The following LAMA2 variants were observed in gnomAD, a reference collection of about 807,000 sequenced individuals.
LAMA2 encodes laminin subunit alpha 2, also known as laminin subunit alpha-2.
In LAMA2, 269 loss-of-function variants were observed where a neutral mutation model predicts 364.8. That is an observed-to-expected ratio of 0.74 (90% CI 0.67 to 0.82). The LOEUF is 0.82. Among genes scored for constraint, LAMA2 ranks in the 40% least tolerant of loss-of-function variants. The pLI is 0.00. For synonymous variants in LAMA2, 1,379 were observed against 1,370.6 expected (o/e 1.01, Z -0.14); for missense variants, 3,807 against 3,873.2 (o/e 0.98, Z 0.45).
intron 38 of LAMA2, among the ~76,000 whole-genome samples, chr6:129,401,841 C>CTAT (rs78784805): frequency 0.51 from 76,669 of 151,562 alleles, 19,827 homozygotes; most frequent in African/African-American, 0.62. Context: ...ATTTCCTAGT[C>CTAT]TATTCCATTA....
chr6:129,063,305 T>C (rs999401987), intron 3 of LAMA2, among the ~76,000 whole-genome samples: 1 of 152,116 alleles, frequency 6.6e-6, no homozygotes, highest in African/African-American at 2.4e-5. Flanking sequence ...AACAAAAATA[T>C]ACAACAATTT....
chr6:129,262,703 T>C (rs1336339920), intron 15 of LAMA2, among the ~76,000 whole-genome samples: 7 of 152,182 alleles, frequency 4.6e-5, no homozygotes, highest in Non-Finnish European at 8.8e-5. Flanking sequence ...TTCACTATTA[T>C]TCAGTCCTAT....
intron 20 of LAMA2, chr6:129,292,937 C>T (rs1789815830): frequency 1.0e-6 from 1 of 985,770 alleles, no homozygotes; most frequent in Admixed American, 6.1e-5. Flanking sequence ...AACAGTGCAA[C>T]CTCGGCAGGC....
intron 1 of LAMA2, among the ~76,000 whole-genome samples, chr6:128,922,419 A>G (rs1778799443): frequency 6.6e-6 from 1 of 151,462 alleles, no homozygotes; most frequent in Non-Finnish European, 1.5e-5. Flanking sequence ...GTGAGATGGT[A>G]TCTCATTGTG....
chr6:129,042,135 T>C (rs1390203147), intron 1 of LAMA2, among the ~76,000 whole-genome samples: 1 of 151,598 alleles, frequency 6.6e-6, no homozygotes, highest in Non-Finnish European at 1.5e-5. Flanking sequence ...CAAAACCCCG[T>C]CTCTACTAAA....
Position 129,402,317 on chromosome 6 carries a change from A to G in LAMA2, c.5563-7A>G, listed in dbSNP as rs756511326. ...TTGCTTAAAATGCCCTCTTCTCTAC[A>G]TATCAGTATGTTGAAGACATCCAAA... On this transcript the variant is annotated splice_region_variant and splice_polypyrimidine_tract_variant and intron_variant, in intron 38 of 64. Coordinates refer to ENST00000421865, the MANE Select transcript of LAMA2 (RefSeq NM_000426.4). The G allele has an allele frequency of 3.1e-6, 5 of 1,612,514 alleles. No homozygotes were observed. The highest frequency in any genetic ancestry group is 4.2e-6 in the Non-Finnish European group (5 of 1,178,670).
At chr6:129,223,851 TTAAAG>T (rs1471336814) in intron 12 of LAMA2, among the ~76,000 whole-genome samples, 1 of 152,156 alleles carries the variant, frequency 6.6e-6, no homozygotes, top group African/African-American at 2.4e-5. Context: ...CATATGAACT[TTAAAG>T]TAGTTTTTTT....
At chr6:129,465,378 T>A (rs1468747679) in intron 51 of LAMA2, 89 bp downstream of exon 51, 6 of 1,127,464 alleles carry the variant, frequency 5.3e-6, no homozygotes, top group Non-Finnish European at 8.0e-6. Flanking sequence ...GCTCCGTCTA[T>A]AATTTTAGCT....
chr6:129,489,269 C>T (rs9375632), intron 56 of LAMA2, among the ~76,000 whole-genome samples: 48,612 of 151,982 alleles, frequency 0.32, 8,358 homozygotes, highest in African/African-American at 0.45. Context: ...ATTGGATTTT[C>T]ACCAAACTGG....
At chr6:129,427,221 T>A (rs1428575835) in intron 40 of LAMA2, among the ~76,000 whole-genome samples, 1 of 152,200 alleles carries the variant, frequency 6.6e-6, no homozygotes, top group African/African-American at 2.4e-5. Context: ...ATGCATTTTT[T>A]AAAAGAAGCA....
At chr6:128,957,197 G>A (rs1781206881) in intron 1 of LAMA2, among the ~76,000 whole-genome samples, 1 of 151,958 alleles carries the variant, frequency 6.6e-6, no homozygotes, top group Non-Finnish European at 1.5e-5. Context: ...AAGGTGCTAG[G>A]CTAATTGCTG....
At chr6:128,989,035 A>G (rs1331275953) in intron 1 of LAMA2, among the ~76,000 whole-genome samples, 1 of 152,238 alleles carries the variant, frequency 6.6e-6, no homozygotes, top group African/African-American at 2.4e-5. Context: ...AATGCTTAAA[A>G]AGAATGATTA....
intron 29 of LAMA2, among the ~76,000 whole-genome samples, chr6:129,332,168 T>C (rs1041470993): frequency 2.0e-5 from 3 of 152,234 alleles, no homozygotes; most frequent in Non-Finnish European, 2.9e-5. Flanking sequence ...GTTTATGATT[T>C]AATTTTATAT....
intron 34 of LAMA2, 64 bp downstream of exon 34, chr6:129,370,054 T>A: frequency 7.5e-7 from 1 of 1,326,408 alleles, no homozygotes; most frequent in Non-Finnish European, 1.1e-6. Context: ...GGAAAATTAC[T>A]TCAAAGTTCT....
chr6:129,368,248 T>G (rs1390890569), intron 33 of LAMA2, among the ~76,000 whole-genome samples: 1 of 152,190 alleles, frequency 6.6e-6, no homozygotes, highest in African/African-American at 2.4e-5. Flanking sequence ...GACACAAACA[T>G]TCTGCCTTCT....
At chr6:129,259,297 A>G (rs1401896332) in intron 14 of LAMA2, among the ~76,000 whole-genome samples, 1 of 152,090 alleles carries the variant, frequency 6.6e-6, no homozygotes. Context: ...AATTCCCAGC[A>G]TTGATTCCCA....
chr6:129,480,091 A>C (rs1304469446), intron 54 of LAMA2, among the ~76,000 whole-genome samples: 1 of 152,208 alleles, frequency 6.6e-6, no homozygotes, highest in African/African-American at 2.4e-5. Flanking sequence ...ATTATTTTGC[A>C]ACTAAAATAT....
chr6:129,343,179 T>G (rs1776362957), intron 30 of LAMA2, among the ~76,000 whole-genome samples: 1 of 152,160 alleles, frequency 6.6e-6, no homozygotes, highest in South Asian at 2.1e-4. Flanking sequence ...ATTTATAGAC[T>G]TCAGTAAGGC....
chr6:129,404,659 A>G (rs921279180), intron 40 of LAMA2, among the ~76,000 whole-genome samples: 5 of 152,132 alleles, frequency 3.3e-5, no homozygotes, highest in African/African-American at 1.2e-4. Flanking sequence ...TCTCATAGGA[A>G]TCATCCTGAA....
Sources: gnomAD v4.1 joint callset for allele counts (sites outside exome capture counted in the v4.1 genomes callset) on GRCh38, gnomAD v4.1.1 for gene constraint, MANE v1.5 for transcripts, NCBI Gene and HGNC (gene_info 2026-07-23, HGNC 2026-07-21) for gene names.